The following HDAC4 variants were observed in gnomAD, a reference collection of about 807,000 sequenced individuals.
The protein encoded by HDAC4 is histone deacetylase 4.
In HDAC4, 16 loss-of-function variants were observed where a neutral mutation model predicts 135.1. The observed-to-expected ratio is 0.12, with a 90% CI of 0.08 to 0.18. The LOEUF (loss-of-function observed/expected upper bound fraction) is 0.18, where lower values mean the gene tolerates loss of function less well. Ranked by LOEUF, HDAC4 falls within the 10% of genes least tolerant of loss-of-function variation. The pLI, the probability that HDAC4 is intolerant of heterozygous loss-of-function variation, is 1.00. For synonymous variants in HDAC4, 685 were observed against 653.4 expected (o/e 1.05, Z -0.74); for missense variants, 1,143 against 1,511.8 (o/e 0.76, Z 4.05).
At chr2:239,259,706 G>A (rs76456524) in intron 2 of HDAC4, among the ~76,000 whole-genome samples, 5 of 152,310 alleles carry the variant, frequency 3.3e-5, no homozygotes, top group Admixed American at 1.3e-4. Context: ...GATATAGACC[G>A]AAGTGACAAA....
At chr2:239,104,762 C>T (rs773140155) in intron 15 of HDAC4, among the ~76,000 whole-genome samples, 12 of 152,224 alleles carry the variant, frequency 7.9e-5, no homozygotes, top group East Asian at 1.9e-4. Flanking sequence ...CACTCAAAAG[C>T]GACCCACTGG....
At chr2:239,114,103 G>C (rs1263382054) in intron 13 of HDAC4, among the ~76,000 whole-genome samples, 3 of 152,178 alleles carry the variant, frequency 2.0e-5, no homozygotes, top group African/African-American at 7.2e-5. Flanking sequence ...TCAGTGGCAA[G>C]CATTTAAGAA....
intron 2 of HDAC4, among the ~76,000 whole-genome samples, chr2:239,347,058 C>T (rs929779620): frequency 1.3e-5 from 2 of 152,054 alleles, no homozygotes; most frequent in Admixed American, 6.6e-5. Flanking sequence ...CACACACATA[C>T]AACCTGTCTA....
chr2:239,225,512 C>A (rs949833625), intron 3 of HDAC4, among the ~76,000 whole-genome samples: 21 of 152,236 alleles, frequency 1.4e-4, no homozygotes, highest in Admixed American at 1.3e-3. Context: ...AGGGTGCCCC[C>A]ACCCCAGGGG....
At chr2:239,223,667 T>G (rs2047087082) in intron 3 of HDAC4, among the ~76,000 whole-genome samples, 4 of 152,018 alleles carry the variant, frequency 2.6e-5, no homozygotes, top group Non-Finnish European at 5.9e-5. Flanking sequence ...AGTGTCCTCA[T>G]CATTGCTGTA....
chr2:239,324,012 C>T (rs557517951), intron 2 of HDAC4, among the ~76,000 whole-genome samples: 51 of 152,264 alleles, frequency 3.3e-4, no homozygotes, highest in African/African-American at 1.0e-3. Context: ...GGACCACATG[C>T]GCTACGGTAT....
At chr2:239,350,653 G>A (rs950186571) in intron 2 of HDAC4, among the ~76,000 whole-genome samples, 3 of 152,004 alleles carry the variant, frequency 2.0e-5, no homozygotes, top group Non-Finnish European at 4.4e-5. Flanking sequence ...ACAGGCACAC[G>A]CCACCACGCC....
At chr2:239,389,045 G>A (rs368081985) in intron 1 of HDAC4, among the ~76,000 whole-genome samples, 12 of 152,200 alleles carry the variant, frequency 7.9e-5, no homozygotes, top group East Asian at 1.9e-4. Context: ...CTTCTGGGTC[G>A]GGTGGGGACT....
intron 15 of HDAC4, among the ~76,000 whole-genome samples, chr2:239,106,179 G>A (rs994194048): frequency 3.3e-5 from 5 of 152,142 alleles, no homozygotes; most frequent in African/African-American, 1.2e-4. Flanking sequence ...GAGGAGCCGA[G>A]GGCGGGCGGA....
chr2:239,111,450 G>C, intron 14 of HDAC4, 76 bp downstream of exon 14: 1 of 1,421,950 alleles, frequency 7.0e-7, no homozygotes, highest in South Asian at 1.2e-5. Flanking sequence ...GCAGAGCTGG[G>C]CCGGGAAGAG....
At chr2:239,389,922 C>G (rs1696087422) in intron 1 of HDAC4, among the ~76,000 whole-genome samples, 1 of 152,190 alleles carries the variant, frequency 6.6e-6, no homozygotes, top group Non-Finnish European at 1.5e-5. Flanking sequence ...GTGGCTGGAG[C>G]CAGACCGAAG....
rs1364066794 is a variant in HDAC4, at chr2:239,285,469, C to A, written c.23-48805G>T. On this transcript the variant is annotated intron_variant, in intron 2 of 26. Transcript: ENST00000543185. This position sits in a 1 kb window ranked among gnomAD's most constrained non-coding sequence, Gnocchi z 4.5. ...GCTAGTGTGCGGGGAGGCAGAGGAG[C>A]AGTGCCGGCTGCCAGCAAGTGTCTC... Among the ~76,000 whole-genome samples, 1 of 152,206 alleles carries A rather than the reference C, an allele frequency of 6.6e-6. No homozygotes were observed. The highest frequency in any genetic ancestry group is 1.9e-4 in the East Asian group (1 of 5,192).
chr2:239,064,759 T>C lies in HDAC4; in HGVS notation c.3003+1963A>G, dbSNP rs564509739. 6.9e-3 allele frequency among the ~76,000 whole-genome samples: 1,044 copies of C among 152,254 alleles called. 1 individual carries two copies. Among genetic ancestry groups the C allele is most frequent in the Non-Finnish European group, 0.011 (748 of 68,012 alleles). ...GTTCCTCTCATAATGGGGTTTGCAC[T>C]GGGAAGAAGACACCCTTTTGTTCTA... On this transcript the variant is annotated intron_variant, in intron 24 of 26. Coordinates refer to ENST00000543185, the MANE Select transcript of HDAC4 (RefSeq NM_001378414.1).
chr2:239,280,889 C>T (rs1163540273), intron 2 of HDAC4, among the ~76,000 whole-genome samples: 4 of 150,282 alleles, frequency 2.7e-5, no homozygotes, highest in Admixed American at 6.6e-5. Context: ...ACTCTCCACA[C>T]AATGTACACA....
intron 2 of HDAC4, among the ~76,000 whole-genome samples, chr2:239,346,074 C>A (rs1049627609): frequency 2.1e-5 from 3 of 140,904 alleles, no homozygotes; most frequent in Non-Finnish European, 4.6e-5. Context: ...CTCACACATG[C>A]ACTCACCCAA....
At chr2:239,364,597 A>G (rs1264970356) in intron 1 of HDAC4, among the ~76,000 whole-genome samples, 1 of 152,254 alleles carries the variant, frequency 6.6e-6, no homozygotes, top group Non-Finnish European at 1.5e-5. Flanking sequence ...TCTGTGGAAG[A>G]GAAGGCAGAG....
At chr2:239,081,510 C>T (rs2035327145) in intron 21 of HDAC4, among the ~76,000 whole-genome samples, 1 of 152,262 alleles carries the variant, frequency 6.6e-6, no homozygotes, top group Non-Finnish European at 1.5e-5. Flanking sequence ...TGTGTTACAT[C>T]AGGGAATCAG....
chr2:239,342,845 G>A (rs141640839), intron 2 of HDAC4, among the ~76,000 whole-genome samples: 3 of 113,716 alleles, frequency 2.6e-5, no homozygotes, highest in East Asian at 5.0e-4. Context: ...CAGGCCCAGC[G>A]TCGTCTTGGA....
At chr2:239,102,460 G>C (rs1345501208) in intron 16 of HDAC4, 1 of 381,542 alleles carries the variant, frequency 2.6e-6, no homozygotes, top group Non-Finnish European at 5.0e-6. Context: ...AACAACTTCA[G>C]GCTCCCTGCA....
Sources: allele counts gnomAD v4.1 joint callset (sites outside exome capture counted in the v4.1 genomes callset), GRCh38; gene constraint gnomAD v4.1.1; non-coding constraint Gnocchi (gnomAD v3.1); transcripts MANE v1.5; gene names NCBI Gene and HGNC (gene_info 2026-07-23, HGNC 2026-07-21).